The following RIMKLB variants were observed in gnomAD, a reference collection of about 807,000 sequenced individuals.
The protein encoded by RIMKLB is ribosomal modification protein rimK like family member B.
Under a neutral mutation model 32.0 loss-of-function variants are expected in RIMKLB, and 7 were observed. The observed-to-expected ratio is 0.22, with a 90% CI of 0.12 to 0.41. The LOEUF is 0.41. Among genes scored for constraint, RIMKLB ranks in the 10% least tolerant of loss-of-function variants. RIMKLB has a pLI of 1.00. For synonymous variants in RIMKLB, 172 were observed against 185.1 expected (o/e 0.93, Z 0.57); for missense variants, 289 against 498.7 (o/e 0.58, Z 4.00).
intron 2 of RIMKLB, among the ~76,000 whole-genome samples, chr12:8,719,889 C>T (rs1456521028): frequency 6.6e-6 from 1 of 152,166 alleles, no homozygotes; most frequent in South Asian, 2.1e-4. Flanking sequence ...ATTGTCAACT[C>T]CTGAGGTTCT....
chr12:8,729,565 G>A (rs1946353990), intron 2 of RIMKLB, among the ~76,000 whole-genome samples: 1 of 152,096 alleles, frequency 6.6e-6, no homozygotes, highest in African/African-American at 2.4e-5. Flanking sequence ...GCCATGGGTG[G>A]TTTTGGAAAA....
intron 2 of RIMKLB, among the ~76,000 whole-genome samples, chr12:8,742,173 C>T (rs1285354145): frequency 6.6e-6 from 1 of 151,922 alleles, no homozygotes; most frequent in African/African-American, 2.4e-5. Flanking sequence ...GTTGGGATTA[C>T]AGGCACGAGC....
At chr12:8,727,656 C>T (rs954750419) in intron 2 of RIMKLB, among the ~76,000 whole-genome samples, 3 of 152,108 alleles carry the variant, frequency 2.0e-5, no homozygotes, top group Non-Finnish European at 4.4e-5. Flanking sequence ...GCCAGCACTT[C>T]GGCAGGCTGA....
intron 2 of RIMKLB, among the ~76,000 whole-genome samples, chr12:8,734,285 T>C (rs1431897400): frequency 2.0e-5 from 3 of 152,194 alleles, no homozygotes; most frequent in African/African-American, 7.2e-5. Flanking sequence ...GGGTTTGAAC[T>C]AGGGGAGCAG....
chr12:8,741,739 C>T (rs1397698283), intron 2 of RIMKLB, among the ~76,000 whole-genome samples: 1 of 151,652 alleles, frequency 6.6e-6, no homozygotes, highest in East Asian at 1.9e-4. Context: ...GAGATGGCGC[C>T]ACTGCACTTC....
intron 1 of RIMKLB, among the ~76,000 whole-genome samples, chr12:8,686,874 A>T (rs919286358): frequency 2.0e-5 from 3 of 152,226 alleles, no homozygotes; most frequent in African/African-American, 7.2e-5. Flanking sequence ...AGGGCGCCAC[A>T]CAGGAATTAT....
intron 5 of RIMKLB, among the ~76,000 whole-genome samples, chr12:8,763,935 G>A (rs985781838): frequency 2.0e-5 from 3 of 152,178 alleles, no homozygotes; most frequent in African/African-American, 7.2e-5. Flanking sequence ...GCAGAAAAAG[G>A]CATCCTTAAG....
intron 1 of RIMKLB, among the ~76,000 whole-genome samples, chr12:8,712,261 G>A (rs1380767143): frequency 1.3e-5 from 2 of 151,678 alleles, no homozygotes; most frequent in Non-Finnish European, 2.9e-5. Context: ...CAACCTTTCC[G>A]CCTTCTGGAA....
At chr12:8,674,695 A>C in the RIMKLB span, among the ~76,000 whole-genome samples, 1 of 150,080 alleles carries the variant, frequency 6.7e-6, no homozygotes, top group South Asian at 2.1e-4. Context: ...GATTAGAGGC[A>C]TGTGACACCA....
chr12:8,776,749 G>A lies in RIMKLB; in HGVS notation c.*2965G>A, dbSNP rs1208007087. The A allele has an allele frequency of 1.0e-6, 1 of 985,054 alleles. No homozygotes were observed. The highest frequency in any genetic ancestry group is 1.8e-5 in the African/African-American group (1 of 57,128). 61.0% of individuals were successfully genotyped at this position (985,054 alleles called of 1,614,324 possible). A position where few individuals can be genotyped will look rare whatever the true frequency, so the allele number is the denominator to read the frequency against. ...CTCCAATGAACATTGAAATCTTCCT[G>A]TATATGTTACCAATAAGAAAACTAC... On this transcript the variant is annotated 3_prime_UTR_variant, in exon 6 of 6. Transcript: ENST00000535829.
At chr12:8,680,391 C>T (rs111586672), upstream of RIMKLB, among the ~76,000 whole-genome samples, 4,500 of 152,154 alleles carry the variant, frequency 0.03, 216 homozygotes, top group African/African-American at 0.1. Flanking sequence ...CATCTCCTGA[C>T]CTCGTGATCC....
intron 2 of RIMKLB, among the ~76,000 whole-genome samples, chr12:8,715,058 A>C (rs770281009): frequency 2.0e-5 from 3 of 152,282 alleles, no homozygotes; most frequent in Non-Finnish European, 4.4e-5. Context: ...CTAAATTAAA[A>C]ATGTTACCAT....
chr12:8,749,827 T>G, intron 2 of RIMKLB, 35 bp from the exon 3 acceptor site: 1 of 1,367,742 alleles, frequency 7.3e-7, no homozygotes, highest in Non-Finnish European at 1.0e-6. Context: ...TATATTTCCC[T>G]CTAATTGTGT....
At chr12:8,723,359 A>G (rs1445512932) in intron 2 of RIMKLB, among the ~76,000 whole-genome samples, 2 of 152,124 alleles carry the variant, frequency 1.3e-5, no homozygotes, top group African/African-American at 2.4e-5. Flanking sequence ...TTTGCCCTCT[A>G]TGTGGTTGCA....
rs149199411 is a variant in RIMKLB, at chr12:8,686,663, T to C, written n.219+4845T>C. On this transcript the variant is annotated intron_variant and non_coding_transcript_variant, in intron 1 of 1. Transcript: ENST00000538758. ...CCCGGCTAATTTTTTTTTGTATTTTTAGTAGAGTCGGGGTTTCACCGTGTT... is the reference window on the plus strand; with the variant it reads ...CCCGGCTAATTTTTTTTTGTATTTTCAGTAGAGTCGGGGTTTCACCGTGTT... 3.8e-3 allele frequency among the ~76,000 whole-genome samples: 583 copies of C among 151,994 alleles called. 5 individuals carry two copies. Among genetic ancestry groups the C allele is most frequent in the African/African-American group, 0.012 (509 of 41,458 alleles).
intron 2 of RIMKLB, among the ~76,000 whole-genome samples, chr12:8,727,636 G>C (rs1431847587): frequency 6.6e-6 from 1 of 152,170 alleles, no homozygotes; most frequent in Non-Finnish European, 1.5e-5. Context: ...GCCGGACCTT[G>C]TTGGCTCATG....
chr12:8,732,437 T>C (rs1425570310), intron 2 of RIMKLB, among the ~76,000 whole-genome samples: 3 of 152,160 alleles, frequency 2.0e-5, no homozygotes, highest in Non-Finnish European at 4.4e-5. Flanking sequence ...CATTTCTGTT[T>C]ATGGAGATAG....
chr12:8,706,323 A>G (rs1435002928), intron 1 of RIMKLB, among the ~76,000 whole-genome samples: 2 of 151,838 alleles, frequency 1.3e-5, no homozygotes, highest in African/African-American at 4.8e-5. Flanking sequence ...TATTTTTAGT[A>G]GAGATGGGGT....
chr12:8,677,476 C>G (rs759207686), upstream of RIMKLB, among the ~76,000 whole-genome samples: 2 of 152,144 alleles, frequency 1.3e-5, no homozygotes, highest in Non-Finnish European at 2.9e-5. Context: ...TCTTTCCACA[C>G]GGCTTCAGCT....
Sources: gnomAD v4.1 joint callset for allele counts (sites outside exome capture counted in the v4.1 genomes callset) on GRCh38, gnomAD v4.1.1 for gene constraint, MANE v1.5 for transcripts, NCBI Gene and HGNC (gene_info 2026-07-23, HGNC 2026-07-21) for gene names.